Variants in KIF6 observed in about 807,000 individuals in gnomAD.
KIF6 encodes the protein kinesin family member 6.
A neutral mutation model predicts 112.7 loss-of-function variants in KIF6; 106 were observed. The observed-to-expected ratio is 0.94, with a 90% CI of 0.80 to 1.11. KIF6 has a LOEUF of 1.11. Among genes scored for constraint, KIF6 ranks in the 50% least tolerant of loss-of-function variants. KIF6 has a pLI of 0.00. For synonymous variants in KIF6, 339 were observed against 339.9 expected (o/e 1.00, Z 0.03); for missense variants, 929 against 964.0 (o/e 0.96, Z 0.48).
intron 13 of KIF6, among the ~76,000 whole-genome samples, chr6:39,472,944 T>C (rs1056761862): frequency 6.6e-6 from 1 of 151,578 alleles, no homozygotes; most frequent in Non-Finnish European, 1.5e-5. Flanking sequence ...TGGAGTACAA[T>C]GGCGCGATCT....
At chr6:39,666,983 C>T (rs1786505921) in intron 3 of KIF6, among the ~76,000 whole-genome samples, 1 of 152,146 alleles carries the variant, frequency 6.6e-6, no homozygotes, top group Non-Finnish European at 1.5e-5. Context: ...TCATTAAGTT[C>T]CTCATACACT....
chr6:39,416,640 G>A (rs1322142064), intron 15 of KIF6, among the ~76,000 whole-genome samples: 1 of 152,136 alleles, frequency 6.6e-6, no homozygotes, highest in Non-Finnish European at 1.5e-5. Context: ...TTAAGAGAAG[G>A]AAATTATATG....
intron 16 of KIF6, among the ~76,000 whole-genome samples, chr6:39,382,985 TCC>T (rs1554204465): frequency 1.3e-5 from 2 of 148,634 alleles, no homozygotes; most frequent in African/African-American, 2.5e-5. Context: ...AAGTGTCTGT[TCC>T]TGTCTTTGCC....
chr6:39,512,731 G>A (rs1360822015), intron 13 of KIF6, among the ~76,000 whole-genome samples: 2 of 152,058 alleles, frequency 1.3e-5, no homozygotes, highest in Non-Finnish European at 1.5e-5. Flanking sequence ...ATCTATCCTG[G>A]CTCCTGCAGA....
chr6:39,609,673 T>G (rs72852126), intron 6 of KIF6, among the ~76,000 whole-genome samples: 4,098 of 152,232 alleles, frequency 0.027, 84 homozygotes, highest in Non-Finnish European at 0.042. Flanking sequence ...TAAAACAAGA[T>G]TTCTTTTTTT....
intron 12 of KIF6, among the ~76,000 whole-genome samples, chr6:39,543,932 T>C (rs952331176): frequency 6.6e-6 from 1 of 151,756 alleles, no homozygotes; most frequent in Admixed American, 6.7e-5. Flanking sequence ...TACTGATCAG[T>C]TTAGCTAAAA....
chr6:39,662,082 T>C (rs959462874), intron 3 of KIF6, among the ~76,000 whole-genome samples: 5 of 152,108 alleles, frequency 3.3e-5, no homozygotes, highest in East Asian at 1.9e-4. Flanking sequence ...TTTCATATCA[T>C]TGGGCCATTC....
chr6:39,420,723 T>A (rs1012560314), intron 14 of KIF6, among the ~76,000 whole-genome samples: 5 of 152,220 alleles, frequency 3.3e-5, no homozygotes, highest in African/African-American at 1.2e-4. Flanking sequence ...TGGATACACG[T>A]ATCCACCCCG....
intron 13 of KIF6, among the ~76,000 whole-genome samples, chr6:39,512,610 G>C (rs1024856546): frequency 2.0e-5 from 3 of 152,082 alleles, no homozygotes; most frequent in African/African-American, 7.2e-5. Flanking sequence ...CCTCTATGCT[G>C]GCACAGGTTA....
intron 5 of KIF6, among the ~76,000 whole-genome samples, chr6:39,632,842 G>C (rs561519246): frequency 6.6e-6 from 1 of 151,892 alleles, no homozygotes; most frequent in Non-Finnish European, 1.5e-5. Flanking sequence ...GGATGGTCTC[G>C]ATCTCCTGAC....
intron 7 of KIF6, among the ~76,000 whole-genome samples, chr6:39,595,697 C>A (rs149435043): frequency 1.3e-3 from 196 of 152,130 alleles, no homozygotes; most frequent in Non-Finnish European, 2.3e-3. Flanking sequence ...TGAAATAAAC[C>A]AGACACAAAA....
chr6:39,401,306 T>C (rs1282986814), intron 15 of KIF6, among the ~76,000 whole-genome samples: 1 of 152,240 alleles, frequency 6.6e-6, no homozygotes, highest in Non-Finnish European at 1.5e-5. Flanking sequence ...ATCTGAGTTA[T>C]CTCAGAGGTA....
intron 15 of KIF6, among the ~76,000 whole-genome samples, chr6:39,406,071 G>A (rs1266673968): frequency 1.3e-5 from 2 of 151,996 alleles, no homozygotes; most frequent in Non-Finnish European, 2.9e-5. Context: ...TGCCCAGGCT[G>A]GAGTGCAGTG....
At chr6:39,541,648 T>A (rs138909794) in intron 12 of KIF6, among the ~76,000 whole-genome samples, 1 of 152,266 alleles carries the variant, frequency 6.6e-6, no homozygotes, top group Non-Finnish European at 1.5e-5. Flanking sequence ...GGGAAAGACG[T>A]CTCACACATG....
intron 13 of KIF6, among the ~76,000 whole-genome samples, chr6:39,507,128 C>T (rs1582005793): frequency 6.6e-6 from 1 of 152,166 alleles, no homozygotes; most frequent in Non-Finnish European, 1.5e-5. Context: ...AATCAAGTCA[C>T]AAGTACAAGT....
intron 16 of KIF6, among the ~76,000 whole-genome samples, chr6:39,384,834 T>C: frequency 6.6e-6 from 1 of 152,160 alleles, no homozygotes; most frequent in Admixed American, 6.5e-5. Flanking sequence ...GGAGAGGAAA[T>C]GAGGAGGTTC....
chr6:39,415,379 A>C lies in KIF6; in HGVS notation c.1810+4569T>G, dbSNP rs561624273. Among the ~76,000 whole-genome samples, 5 of 152,182 alleles carry C rather than the reference A, an allele frequency of 3.3e-5. 1 individual carries two copies. In the South Asian group the frequency reaches 1.0e-3, roughly 32 times the overall value. On this transcript the variant is annotated intron_variant, in intron 15 of 22. Transcript: ENST00000287152. ...GACAACACAGATGTTAAGAGTGTAA[A>C]AACTGTGTCCTTAGAATCTGTGACA...
chr6:39,400,054 T>C (rs913473), intron 15 of KIF6, among the ~76,000 whole-genome samples: 136,428 of 152,272 alleles, frequency 0.9, 61,739 homozygotes, highest in East Asian at 1. Flanking sequence ...GACTTCTGGG[T>C]ACAGTCTGGG....
chr6:39,657,059 C>T (rs768381273), intron 3 of KIF6, among the ~76,000 whole-genome samples: 3 of 151,628 alleles, frequency 2.0e-5, no homozygotes, highest in South Asian at 4.2e-4. Context: ...GGAGAAACCC[C>T]GTCTCTACTA....
Sources: gnomAD v4.1 joint callset for allele counts (sites outside exome capture counted in the v4.1 genomes callset) on GRCh38, gnomAD v4.1.1 for gene constraint, MANE v1.5 for transcripts, NCBI Gene and HGNC (gene_info 2026-07-23, HGNC 2026-07-21) for gene names.